Variants in MACROD2 observed in about 807,000 individuals in gnomAD.
MACROD2 encodes mono-ADP ribosylhydrolase 2.
A neutral mutation model predicts 70.4 loss-of-function variants in MACROD2; 36 were observed. The ratio of observed to expected loss-of-function variants is 0.51; its 90% CI spans 0.39 to 0.68. MACROD2 has a LOEUF of 0.68. Ranked by LOEUF, MACROD2 falls within the 30% of genes least tolerant of loss-of-function variation. The pLI is 0.00. For missense variants in MACROD2, 496 were observed against 538.4 expected, an observed-to-expected ratio of 0.92 and a Z score of 0.78; for synonymous variants, 172 against 178.8, an observed-to-expected ratio of 0.96 and a Z score of 0.30.
intron 5 of MACROD2, among the ~76,000 whole-genome samples, chr20:14,971,473 A>C (rs2074690837): frequency 6.6e-6 from 1 of 152,064 alleles, no homozygotes; most frequent in Non-Finnish European, 1.5e-5. Context: ...TGAATTACTT[A>C]TTCTCTCTAA....
At chr20:14,256,116 T>C (rs987270217) in intron 3 of MACROD2, among the ~76,000 whole-genome samples, 4 of 152,126 alleles carry the variant, frequency 2.6e-5, no homozygotes, top group Non-Finnish European at 2.9e-5. Flanking sequence ...GTATTTTCTT[T>C]TTGCCTTTTT....
In MACROD2 at chr20:14,906,879, G is replaced by T. The variant is rs556654468; in HGVS notation, c.418+221920G>T. On this transcript the variant is annotated intron_variant, in intron 5 of 17. Transcript: ENST00000684519. The stretch of plus-strand genomic sequence containing the variant: ...AATTAATTTAACAAACATTTTTGGG[G>T]TGCTGAGGTAAAGAAATAGATTAAC... 7.2e-5 allele frequency among the ~76,000 whole-genome samples: 11 copies of T among 152,074 alleles called. 1 individual carries two copies. Among genetic ancestry groups the T allele is most frequent in the Non-Finnish European group, 1.3e-4 (9 of 68,020 alleles).
At chr20:15,634,994 T>C (rs2049342572) in intron 8 of MACROD2, among the ~76,000 whole-genome samples, 1 of 151,996 alleles carries the variant, frequency 6.6e-6, no homozygotes, top group Non-Finnish European at 1.5e-5. Context: ...CTAGAAGCAG[T>C]TGTGGCAGCA....
At chr20:15,006,133 A>T (rs916835804) in intron 5 of MACROD2, among the ~76,000 whole-genome samples, 1 of 127,134 alleles carries the variant, frequency 7.9e-6, no homozygotes, top group Non-Finnish European at 1.7e-5. Context: ...TGCATTTTAT[A>T]TATATATATG....
chr20:15,548,346 G>T (rs1173054878), intron 8 of MACROD2, among the ~76,000 whole-genome samples: 4 of 152,050 alleles, frequency 2.6e-5, no homozygotes, highest in Admixed American at 2.0e-4. Flanking sequence ...GGAGGAGTCT[G>T]TGTTCCCTCC....
chr20:15,233,621 G>C (rs175293), intron 6 of MACROD2, among the ~76,000 whole-genome samples: 85,715 of 151,656 alleles, frequency 0.57, 24,677 homozygotes, highest in African/African-American at 0.6. Context: ...TCCATGCATT[G>C]TTTGTAACAG....
chr20:15,731,723 C>A (rs2050945433), intron 8 of MACROD2, among the ~76,000 whole-genome samples: 1 of 56,622 alleles, frequency 1.8e-5, no homozygotes, highest in Non-Finnish European at 4.9e-5. Flanking sequence ...AGGATACTGG[C>A]AGAAACGAGT....
intron 15 of MACROD2, among the ~76,000 whole-genome samples, chr20:16,006,458 C>A (rs868145814): frequency 6.6e-6 from 1 of 152,146 alleles, no homozygotes; most frequent in Non-Finnish European, 1.5e-5. Context: ...CAGATTTGCA[C>A]CCTACCTTTG....
At chr20:15,396,747 G>C (rs1452899158) in intron 6 of MACROD2, among the ~76,000 whole-genome samples, 1 of 152,142 alleles carries the variant, frequency 6.6e-6, no homozygotes, top group Non-Finnish European at 1.5e-5. Context: ...ATTAGAAAAT[G>C]ATTCCTTCCC....
At chr20:14,514,451 A>T (rs2085067841) in intron 4 of MACROD2, among the ~76,000 whole-genome samples, 1 of 152,090 alleles carries the variant, frequency 6.6e-6, no homozygotes, top group Non-Finnish European at 1.5e-5. Flanking sequence ...GGACATCACA[A>T]TGTCATCCTA....
chr20:14,689,200 G>A (rs952393247), intron 5 of MACROD2, among the ~76,000 whole-genome samples: 89 of 152,146 alleles, frequency 5.8e-4, no homozygotes, highest in Non-Finnish European at 4.4e-5. Flanking sequence ...TTGTTCAAAT[G>A]TAACATCAGG....
chr20:15,890,007 C>T (rs2064868671), intron 10 of MACROD2, among the ~76,000 whole-genome samples: 1 of 152,124 alleles, frequency 6.6e-6, no homozygotes, highest in Non-Finnish European at 1.5e-5. Context: ...GAAACTTGGG[C>T]ACAGAGGCCA....
chr20:15,511,327 A>C (rs1358144652), intron 8 of MACROD2, among the ~76,000 whole-genome samples: 1 of 152,222 alleles, frequency 6.6e-6, no homozygotes, highest in Non-Finnish European at 1.5e-5. Context: ...CCAAATTTTC[A>C]CATGTTCCTT....
At chr20:14,335,585 G>A (rs1014567450) in intron 3 of MACROD2, among the ~76,000 whole-genome samples, 16 of 152,064 alleles carry the variant, frequency 1.1e-4, no homozygotes, top group African/African-American at 3.9e-4. Flanking sequence ...CGTTATGTTT[G>A]GGAAGTGTTT....
intron 3 of MACROD2, among the ~76,000 whole-genome samples, chr20:14,360,405 A>G (rs1764406359): frequency 6.6e-6 from 1 of 152,180 alleles, no homozygotes; most frequent in African/African-American, 2.4e-5. Context: ...AAAAACAAGT[A>G]ATGTTTTTTT....
intron 6 of MACROD2, among the ~76,000 whole-genome samples, chr20:15,402,908 A>G (rs2045949473): frequency 6.6e-6 from 1 of 152,192 alleles, no homozygotes; most frequent in Non-Finnish European, 1.5e-5. Flanking sequence ...AGCAATAGCA[A>G]ACTAATAATC....
chr20:14,594,381 A>C (rs1262406633), intron 4 of MACROD2, among the ~76,000 whole-genome samples: 1 of 152,198 alleles, frequency 6.6e-6, no homozygotes, highest in African/African-American at 2.4e-5. Flanking sequence ...CTTTTTTTAG[A>C]ATAAAAACTA....
chr20:14,848,937 G>T (rs768318849), intron 5 of MACROD2, among the ~76,000 whole-genome samples: 4 of 152,114 alleles, frequency 2.6e-5, no homozygotes, highest in African/African-American at 4.8e-5. Context: ...TCCTCCGGCA[G>T]ACATCACTTA....
intron 3 of MACROD2, among the ~76,000 whole-genome samples, chr20:14,459,010 T>G (rs181958152): frequency 3.0e-4 from 46 of 152,192 alleles, no homozygotes; most frequent in Non-Finnish European, 2.4e-4. Flanking sequence ...TTATAATTAT[T>G]CAGAAAATTA....
Sources: allele counts gnomAD v4.1 joint callset (sites outside exome capture counted in the v4.1 genomes callset), GRCh38; gene constraint gnomAD v4.1.1; transcripts MANE v1.5; gene names NCBI Gene and HGNC (gene_info 2026-07-23, HGNC 2026-07-21).